Variants in ADGRF5 observed in about 807,000 individuals in gnomAD.
ADGRF5 encodes the protein adhesion G protein-coupled receptor F5.
Under a neutral mutation model 132.3 loss-of-function variants are expected in ADGRF5, and 75 were observed. The observed-to-expected ratio is 0.57, with a 90% CI of 0.47 to 0.69. ADGRF5 has a LOEUF of 0.69. Ranked by LOEUF, ADGRF5 falls within the 30% of genes least tolerant of loss-of-function variation. The probability of loss-of-function intolerance (pLI) is 0.00; values close to 1 mark genes in which losing one functional copy is unlikely to be tolerated. For missense variants in ADGRF5, 1,516 were observed against 1,630.6 expected, an observed-to-expected ratio of 0.93 and a Z score of 1.21; for synonymous variants, 629 against 597.6, an observed-to-expected ratio of 1.05 and a Z score of -0.77.
chr6:46,860,766 G>A lies in ADGRF5; in HGVS notation c.2328C>T (p.Ile776=), dbSNP rs759773840. 12 of 1,613,824 alleles carry A rather than the reference G, an allele frequency of 7.4e-6. No homozygotes were observed. Among genetic ancestry groups the A allele is most frequent in the South Asian group, 2.2e-5 (2 of 91,072 alleles). The change falls in exon 16 of 21, where the codon ATC becomes ATT. Residue 776 remains isoleucine (I), a synonymous_variant. Coordinates refer to ENST00000283296, the MANE Select transcript of ADGRF5 (RefSeq NM_001098518.2). ...SPGSLGAIIN[I]LDLLSTVPTQ... Reference sequence around the variant, plus strand: ...TTGGAACTGTTGAGAGCAGATCAAGGATGTTAATAATGGCTCCCAGACTCC... The same window carrying A: ...TTGGAACTGTTGAGAGCAGATCAAGAATGTTAATAATGGCTCCCAGACTCC...
At chr6:46,905,171 T>C (rs1049674684) in intron 2 of ADGRF5, 1 of 152,266 alleles carries the variant, frequency 6.6e-6, no homozygotes, top group East Asian at 1.9e-4. Context: ...CCCTGGCTTT[T>C]ACCCCACCTG....
intron 1 of ADGRF5, among the ~76,000 whole-genome samples, chr6:46,950,172 T>G (rs1047155856): frequency 7.9e-5 from 12 of 152,172 alleles, no homozygotes; most frequent in South Asian, 6.2e-4. Context: ...TGGCCACTAG[T>G]CCATCTTCCA....
intron 1 of ADGRF5, among the ~76,000 whole-genome samples, chr6:46,910,930 T>C (rs1245472522): frequency 6.6e-6 from 1 of 152,214 alleles, no homozygotes; most frequent in African/African-American, 2.4e-5. Context: ...GTCCTGTTAC[T>C]ATTTTAAGAG....
chr6:46,887,620 T>C (rs1673678031), intron 4 of ADGRF5, among the ~76,000 whole-genome samples: 2 of 152,204 alleles, frequency 1.3e-5, no homozygotes. Flanking sequence ...TCAAGAAGAA[T>C]TTCAAAAACA....
intron 11 of ADGRF5, among the ~76,000 whole-genome samples, chr6:46,870,410 T>G (rs1176373668): frequency 6.6e-6 from 1 of 152,172 alleles, no homozygotes; most frequent in African/African-American, 2.4e-5. Flanking sequence ...TCTGCTCACC[T>G]TGGCCTCCCA....
rs564069311 is a variant in ADGRF5 at position 46,904,206 on chromosome 6, A to ACAT, written c.102+2452_102+2454dup. 5.1e-3 allele frequency among the ~76,000 whole-genome samples: 771 copies of ACAT among 152,306 alleles called. 1 individual carries two copies. Among genetic ancestry groups the ACAT allele is most frequent in the Non-Finnish European group, 8.4e-3 (570 of 68,024 alleles). The stretch of plus-strand genomic sequence containing the variant: ...ATGAAAGCTTGAGAAGCACTGAGCT[A>ACAT]CATCATCACCCTTTAAAAGCCCTTT... On this transcript the variant is annotated intron_variant, in intron 2 of 20. Coordinates refer to ENST00000283296, the MANE Select transcript of ADGRF5 (RefSeq NM_001098518.2).
Position 46,854,579 on chromosome 6 carries a change from G to C in ADGRF5, c.3962-508C>G, listed in dbSNP as rs1316086575. ...AGGAGTCAGGAATGTCAACAGAACT[G>C]CTGAGAATCAGCGCAGCAAGGAAGG... On this transcript the variant is annotated intron_variant, in intron 20 of 20. Coordinates refer to ENST00000283296, the MANE Select transcript of ADGRF5 (RefSeq NM_001098518.2). 1.3e-5 allele frequency: 6 copies of C among 464,334 alleles called. No individual in the cohort carries two copies. In the East Asian group the frequency reaches 4.2e-4, roughly 32 times the overall value. The allele number at this position is 464,334 out of a possible 1,614,324, so 28.8% of individuals were successfully genotyped here.
chr6:46,933,001 A>G (rs1777636492), intron 1 of ADGRF5, among the ~76,000 whole-genome samples: 1 of 152,212 alleles, frequency 6.6e-6, no homozygotes, highest in Non-Finnish European at 1.5e-5. Flanking sequence ...GAAATGGCCA[A>G]AAATAAGATC....
intron 1 of ADGRF5, among the ~76,000 whole-genome samples, chr6:46,951,857 T>C (rs1412912848): frequency 1.3e-5 from 2 of 152,218 alleles, no homozygotes; most frequent in African/African-American, 2.4e-5. Flanking sequence ...ACAATGTTAA[T>C]GTCAATGGCT....
chr6:46,881,937 T>G, intron 7 of ADGRF5, 112 bp downstream of exon 7: 1 of 837,750 alleles, frequency 1.2e-6, no homozygotes. Context: ...TCTACCAAAC[T>G]GCTCCTGCTG....
chr6:46,880,469 T>C (rs1465096276), intron 8 of ADGRF5, among the ~76,000 whole-genome samples: 2 of 152,130 alleles, frequency 1.3e-5, no homozygotes, highest in Non-Finnish European at 2.9e-5. Flanking sequence ...CTGACCTAAG[T>C]CTTGAAGGAT....
Position 46,871,878 on chromosome 6 carries a change from C to T in ADGRF5, c.1376G>A (p.Gly459Asp), listed in dbSNP as rs756725656. Residue 459 changes from glycine to aspartate, a missense_variant, in exon 11 of 21, where the codon GGC becomes GAC. Physicochemically the swap from Gly to Asp is moderately conservative, Grantham distance 94 (BLOSUM62 -1). Transcript: ENST00000283296. ...CEFISAYGAR[G>D]SANIKVTFIS... ...GAATGTCACTTTTATGTTTGCACTG[C>T]CTCTGGCTCCATAGGCACTGATGAA... 86 of 1,609,692 alleles carry T rather than the reference C, an allele frequency of 5.3e-5. No individual in the cohort carries two copies. The highest frequency in any genetic ancestry group is 7.1e-5 in the Non-Finnish European group (83 of 1,176,924).
intron 11 of ADGRF5, 166 bp from the exon 12 acceptor site, chr6:46,869,258 T>G (rs515866): frequency 6.9e-7 from 1 of 1,452,138 alleles, no homozygotes; most frequent in Non-Finnish European, 9.0e-7. Context: ...TTGCTGCTCC[T>G]GGGCTTTACT....
At chr6:46,941,431 GA>G (rs796564208) in intron 1 of ADGRF5, among the ~76,000 whole-genome samples, 27 of 54,098 alleles carry the variant, frequency 5.0e-4, no homozygotes, top group Admixed American at 2.1e-3. Flanking sequence ...GAAAAGAAAA[GA>G]AAAGAAAAGA....
chr6:46,871,654 G>C (rs1771075262), intron 11 of ADGRF5, among the ~76,000 whole-genome samples, 189 bp downstream of exon 11: 3 of 152,090 alleles, frequency 2.0e-5, no homozygotes, highest in Admixed American at 6.6e-5. Flanking sequence ...ATTGTTAAAA[G>C]ACTCCCTCTG....
chr6:46,916,247 T>G (rs1226924239), intron 1 of ADGRF5, among the ~76,000 whole-genome samples: 2 of 152,240 alleles, frequency 1.3e-5, no homozygotes, highest in Admixed American at 1.3e-4. Flanking sequence ...TTCCTCTCTT[T>G]GCTACATATT....
chr6:46,893,653 C>G (rs1330554043), intron 3 of ADGRF5, among the ~76,000 whole-genome samples: 1 of 152,190 alleles, frequency 6.6e-6, no homozygotes, highest in Non-Finnish European at 1.5e-5. Context: ...TGGATGCACT[C>G]TCATCCTCTT....
rs1581718873 is a variant in ADGRF5, at chr6:46,858,070, T to C, written c.3774+59A>G. The C allele has an allele frequency of 2.4e-6, 3 of 1,271,500 alleles. No homozygotes were observed. In the East Asian group the frequency reaches 7.0e-5, roughly 30 times the overall value. The allele number at this position is 1,271,500 out of a possible 1,614,324, so 78.8% of individuals were successfully genotyped here. A position where few individuals can be genotyped will look rare whatever the true frequency, so the allele number is the denominator to read the frequency against. On this transcript the variant is annotated intron_variant, in intron 17 of 20. Coordinates refer to ENST00000283296, the MANE Select transcript of ADGRF5 (RefSeq NM_001098518.2). ...ATTCCTACTCTTGTTTGTGTTTCTATCATTAATTTGTCCTACAGGAATAAA... is the reference window on the plus strand; with the variant it reads ...ATTCCTACTCTTGTTTGTGTTTCTACCATTAATTTGTCCTACAGGAATAAA...
chr6:46,902,029 A>G (rs1774827024), intron 2 of ADGRF5, among the ~76,000 whole-genome samples: 1 of 152,228 alleles, frequency 6.6e-6, no homozygotes, highest in Admixed American at 6.5e-5. Flanking sequence ...TCTTGAAGAA[A>G]TAAATAGGGG....
Sources: allele counts gnomAD v4.1 joint callset (sites outside exome capture counted in the v4.1 genomes callset), GRCh38; gene constraint gnomAD v4.1.1; transcripts MANE v1.5; gene names NCBI Gene and HGNC (gene_info 2026-07-23, HGNC 2026-07-21).